The following ST7L variants were observed in gnomAD, a reference collection of about 807,000 sequenced individuals.
The protein encoded by ST7L is suppressor of tumorigenicity 7 protein-like.
ST7L carries 57 observed loss-of-function variants against 72.5 expected under a neutral mutation model. The observed-to-expected ratio is 0.79, with a 90% CI of 0.64 to 0.98. The LOEUF is 0.98. ST7L is among the 50% of genes least tolerant of loss of function. The pLI is 0.00. For synonymous variants in ST7L, 221 were observed against 240.9 expected, an observed-to-expected ratio of 0.92 and a Z score of 0.77; for missense variants, 576 against 672.2, an observed-to-expected ratio of 0.86 and a Z score of 1.58.
chr1:112,535,451 T>C (rs986435284), intron 14 of ST7L, among the ~76,000 whole-genome samples: 1 of 151,750 alleles, frequency 6.6e-6, no homozygotes, highest in Non-Finnish European at 1.5e-5. Context: ...TTGACATGGC[T>C]GGGCACGGTG....
chr1:112,616,252 C>T (rs1669852262), intron 2 of ST7L, among the ~76,000 whole-genome samples: 1 of 152,148 alleles, frequency 6.6e-6, no homozygotes, highest in African/African-American at 2.4e-5. Context: ...TAATTTCCAA[C>T]ACACCCCAAG....
intron 9 of ST7L, among the ~76,000 whole-genome samples, 193 bp downstream of exon 9, chr1:112,581,796 CAGA>C (rs1372771426): frequency 1.3e-5 from 2 of 152,108 alleles, no homozygotes; most frequent in Non-Finnish European, 2.9e-5. Flanking sequence ...TAAATCTTGA[CAGA>C]AGAAAAGTTC....
chr1:112,571,286 T>C (rs897551060), intron 11 of ST7L: 19 of 456,368 alleles, frequency 4.2e-5, no homozygotes, highest in Non-Finnish European at 6.6e-5. Context: ...TAGCTGGATA[T>C]TTTGAAATAG....
intron 14 of ST7L, among the ~76,000 whole-genome samples, chr1:112,535,700 G>T (rs1203781833): frequency 6.6e-6 from 1 of 151,516 alleles, no homozygotes; most frequent in Non-Finnish European, 1.5e-5. Flanking sequence ...TCCTGCCTGG[G>T]TGAGAGAGTG....
At chr1:112,565,016 T>C (rs968764789) in intron 11 of ST7L, among the ~76,000 whole-genome samples, 2 of 151,326 alleles carry the variant, frequency 1.3e-5, no homozygotes, top group African/African-American at 2.4e-5. Flanking sequence ...AGCAGTTTTA[T>C]TGTAAAATAA....
At chr1:112,536,999 AC>A (rs1200251012) in intron 14 of ST7L, among the ~76,000 whole-genome samples, 1 of 149,390 alleles carries the variant, frequency 6.7e-6, no homozygotes, top group African/African-American at 2.5e-5. Flanking sequence ...CCAACTAGGG[AC>A]TTTTTTTTTT....
intron 11 of ST7L, among the ~76,000 whole-genome samples, chr1:112,562,711 C>T (rs758786785): frequency 1.3e-5 from 2 of 151,870 alleles, no homozygotes; most frequent in African/African-American, 2.4e-5. Context: ...AGATACTGGC[C>T]CAGAATATGA....
intron 11 of ST7L, among the ~76,000 whole-genome samples, chr1:112,566,465 T>G (rs544441033): frequency 6.6e-6 from 1 of 151,902 alleles, no homozygotes; most frequent in South Asian, 2.1e-4. Flanking sequence ...GTCCAGCTAA[T>G]TTTTTGTATT....
chr1:112,598,269 CA>C (rs1666779456), intron 4 of ST7L, among the ~76,000 whole-genome samples, 183 bp from the exon 5 acceptor site: 2 of 151,858 alleles, frequency 1.3e-5, no homozygotes, highest in Non-Finnish European at 2.9e-5. Context: ...CATCAAAGAC[CA>C]AATAGAAAAA....
At chr1:112,573,348 C>CAAAA (rs35107656) in intron 11 of ST7L, among the ~76,000 whole-genome samples, 24 of 69,602 alleles carry the variant, frequency 3.4e-4, no homozygotes, top group Middle Eastern at 0.013. Flanking sequence ...AACTCCCTCT[C>CAAAA]AAAAAAAAAA....
chr1:112,552,809 T>C (rs1307559774), intron 12 of ST7L, among the ~76,000 whole-genome samples: 1 of 152,032 alleles, frequency 6.6e-6, no homozygotes, highest in African/African-American at 2.4e-5. Flanking sequence ...AAATACAGTA[T>C]AAATCATAGG....
chr1:112,567,745 A>G (rs1661275601), intron 11 of ST7L, among the ~76,000 whole-genome samples: 1 of 152,216 alleles, frequency 6.6e-6, no homozygotes, highest in African/African-American at 2.4e-5. Context: ...TTTGTCAAAA[A>G]TCAATTGACA....
At chr1:112,550,134 T>C (rs1322637283) in intron 13 of ST7L, among the ~76,000 whole-genome samples, 1 of 152,232 alleles carries the variant, frequency 6.6e-6, no homozygotes. Flanking sequence ...TTGGTCATGG[T>C]ATATAAGCCT....
chr1:112,613,421 T>C (rs1669372551), intron 2 of ST7L, among the ~76,000 whole-genome samples: 1 of 152,220 alleles, frequency 6.6e-6, no homozygotes, highest in African/African-American at 2.4e-5. Context: ...TTCACATCAC[T>C]GGTAACTGGC....
intron 2 of ST7L, among the ~76,000 whole-genome samples, chr1:112,614,281 G>A (rs1025049085): frequency 6.6e-6 from 1 of 152,046 alleles, no homozygotes; most frequent in Admixed American, 6.5e-5. Context: ...ACAGGGTCTT[G>A]TTGTTGCCCA....
At chr1:112,578,482 A>C in intron 9 of ST7L, 65 bp from the exon 10 acceptor site, 2 of 1,427,746 alleles carry the variant, frequency 1.4e-6, no homozygotes, top group Non-Finnish European at 2.0e-6. Flanking sequence ...TTTTTTAATA[A>C]GAATAATTCA....
intron 3 of ST7L, among the ~76,000 whole-genome samples, chr1:112,605,806 G>T (rs1169910673): frequency 6.6e-6 from 1 of 152,224 alleles, no homozygotes. Context: ...CACCCATGCA[G>T]TTCTCTGTGA....
rs558496558 is a variant in ST7L at position 112,556,990 on chromosome 1, A to C, written c.1246-972T>G. Among the ~76,000 whole-genome samples the C allele has an allele frequency of 2.6e-4, 37 of 143,136 alleles. 1 individual carries two copies. Among genetic ancestry groups the C allele is most frequent in the Middle Eastern group, 3.5e-3 (1 of 284 alleles). The allele number at this position is 143,136 out of a possible 152,430, so 93.9% of individuals were successfully genotyped here. A position where few individuals can be genotyped will look rare whatever the true frequency, so the allele number is the denominator to read the frequency against. ...TCAAAAAAAAAAAAAAAAAACAAAA[A>C]AAAAAAAACACAAAGAAAAGAAAAA... On this transcript the variant is annotated intron_variant, in intron 11 of 14. Transcript: ENST00000358039.
intron 14 of ST7L, chr1:112,539,348 C>T (rs1570902285): frequency 6.6e-6 from 1 of 152,256 alleles, no homozygotes; most frequent in East Asian, 1.9e-4. Context: ...AAGGCATCTA[C>T]ACATTGTGTT....
Sources: gnomAD v4.1 joint callset for allele counts (sites outside exome capture counted in the v4.1 genomes callset) on GRCh38, gnomAD v4.1.1 for gene constraint, MANE v1.5 for transcripts, NCBI Gene and HGNC (gene_info 2026-07-23, HGNC 2026-07-21) for gene names.